Variants in MYH9 observed in about 807,000 individuals in gnomAD.
MYH9 encodes the protein myosin-9.
A neutral mutation model predicts 241.9 loss-of-function variants in MYH9; 29 were observed. That is an observed-to-expected ratio of 0.12 (90% confidence interval 0.09 to 0.16). MYH9 has a LOEUF of 0.16. MYH9 is among the 10% of genes least tolerant of loss of function. MYH9 has a pLI of 1.00. For synonymous variants in MYH9, 1,047 were observed against 1,062.6 expected, an observed-to-expected ratio of 0.99 and a Z score of 0.29; for missense variants, 1,803 against 2,595.5, an observed-to-expected ratio of 0.69 and a Z score of 6.63.
At chr22:36,369,609 G>T (rs1233650330) in intron 1 of MYH9, among the ~76,000 whole-genome samples, 1 of 152,208 alleles carries the variant, frequency 6.6e-6, no homozygotes, top group Non-Finnish European at 1.5e-5. Flanking sequence ...GGTCTCTTAG[G>T]ATGGAACAGG....
intron 1 of MYH9, among the ~76,000 whole-genome samples, chr22:36,363,591 T>C (rs1282018745): frequency 6.6e-6 from 1 of 152,196 alleles, no homozygotes; most frequent in Non-Finnish European, 1.5e-5. Flanking sequence ...ACTGGACCCT[T>C]GGCTTTGCTT....
At chr22:36,353,024 T>C (rs1471026110) in intron 1 of MYH9, among the ~76,000 whole-genome samples, 2 of 152,180 alleles carry the variant, frequency 1.3e-5, no homozygotes, top group Admixed American at 6.5e-5. Flanking sequence ...CTGGGCAGGA[T>C]CAGCCACATT....
chr22:36,294,431 T>G, intron 27 of MYH9, 133 bp from the exon 28 acceptor site: 1 of 934,450 alleles, frequency 1.1e-6, no homozygotes, highest in Non-Finnish European at 1.6e-6. Flanking sequence ...CGTCCTGGAC[T>G]CAGACGGCTC....
intron 5 of MYH9, among the ~76,000 whole-genome samples, chr22:36,323,058 CCAT>C (rs1297799244): frequency 6.6e-6 from 1 of 152,216 alleles, no homozygotes; most frequent in Admixed American, 6.5e-5. Context: ...TCCAAAACCA[CCAT>C]GACAGGCAGT....
chr22:36,320,189 A>C lies in MYH9; in HGVS notation c.1012+31T>G. 6.2e-7 allele frequency: 1 copy of C among 1,613,490 alleles called. No individual in the cohort carries two copies. Among genetic ancestry groups the C allele is most frequent in the Non-Finnish European group, 8.5e-7 (1 of 1,179,920 alleles). On this transcript the variant is annotated intron_variant, in intron 9 of 40. Transcript: ENST00000216181. This position sits in a 1 kb window ranked among gnomAD's most constrained non-coding sequence, Gnocchi z 4.8. ...GTGGGTACCAGCCTTCCTCTGCCCC[A>C]CACTCGACCATAGGAGGGCCAGCCC...
chr22:36,340,199 ATTACTT>A (rs1390276853), intron 3 of MYH9, among the ~76,000 whole-genome samples: 5 of 149,720 alleles, frequency 3.3e-5, no homozygotes, highest in African/African-American at 1.2e-4. Context: ...GGTCTTTGCC[ATTACTT>A]TTAATGGCAA....
intron 1 of MYH9, among the ~76,000 whole-genome samples, chr22:36,358,711 C>G (rs1349609521): frequency 1.3e-5 from 2 of 152,200 alleles, no homozygotes; most frequent in African/African-American, 4.8e-5. Flanking sequence ...TCCAGGCCCA[C>G]AGGCCCTCCC....
chr22:36,378,558 T>C (rs1363675229), intron 1 of MYH9, among the ~76,000 whole-genome samples: 1 of 152,100 alleles, frequency 6.6e-6, no homozygotes, highest in African/African-American at 2.4e-5. Context: ...TGGGCAGCAG[T>C]GTGGCTTTCT....
intron 3 of MYH9, among the ~76,000 whole-genome samples, chr22:36,336,675 G>A (rs991200791): frequency 1.3e-5 from 2 of 152,220 alleles, no homozygotes; most frequent in East Asian, 1.9e-4. Flanking sequence ...CGCTGGGCAC[G>A]TCTGGGATGC....
rs769495712 is a variant in MYH9, at chr22:36,304,118, A to G, written c.2267T>C (p.Ile756Thr). ...ACGGAAGAAGACTTTGCTCTGGCCA[A>G]TGCGGTACAGATTGCTGTCGAGCTC... Reference protein sequence around the residue: ...ALELDSNLYRIGQSKVFFRAG... With the variant: ...ALELDSNLYRTGQSKVFFRAG... Residue 756 changes from isoleucine (I) to threonine (T), a missense_variant, in exon 19 of 41, where the codon ATT becomes ACT. By Grantham distance (89) the Ile-to-Thr change is moderately conservative (BLOSUM62 -1). Transcript: ENST00000216181. 117 of 1,613,586 alleles carry G rather than the reference A, an allele frequency of 7.3e-5. No homozygotes were observed. Among genetic ancestry groups the G allele is most frequent in the Non-Finnish European group, 9.1e-5 (107 of 1,180,042 alleles).
chr22:36,297,028 G>A lies in MYH9; in HGVS notation c.3101-14C>T, dbSNP rs759080017. The stretch of plus-strand genomic sequence containing the variant: ...TGCGGAGGCGCTCTGCAATGCAGGG[G>A]GAGCCCACATAGCCCTCAGTGCCAT... On this transcript the variant is annotated splice_polypyrimidine_tract_variant and intron_variant, in intron 24 of 40. Coordinates refer to ENST00000216181, the MANE Select transcript of MYH9 (RefSeq NM_002473.6). The A allele has an allele frequency of 6.2e-7, 1 of 1,613,328 alleles. No individual in the cohort carries two copies. Among genetic ancestry groups the A allele is most frequent in the Non-Finnish European group, 8.5e-7 (1 of 1,179,974 alleles).
At position 36,297,066 on chromosome 22, in the gene MYH9, C is replaced by T. The variant is rs1289147048; in HGVS notation, c.3101-52G>A. On this transcript the variant is annotated intron_variant, in intron 24 of 40. Coordinates refer to ENST00000216181, the MANE Select transcript of MYH9 (RefSeq NM_002473.6). ...CCCTCAGTGCCATGGGTTCTGTCTCCGTGTCAATTACTTATACAAAATACT... is the reference window on the plus strand; with the variant it reads ...CCCTCAGTGCCATGGGTTCTGTCTCTGTGTCAATTACTTATACAAAATACT... 6.3e-6 allele frequency: 10 copies of T among 1,591,594 alleles called. No homozygotes were observed. The East Asian group carries it at 1.1e-4, about 18-fold the overall frequency.
chr22:36,334,639 C>G (rs2146377681), intron 3 of MYH9, among the ~76,000 whole-genome samples: 1 of 152,310 alleles, frequency 6.6e-6, no homozygotes, highest in East Asian at 1.9e-4. Flanking sequence ...ATTTGGCCAT[C>G]ACCTTCATTA....
chr22:36,381,478 G>A (rs1569537308), intron 1 of MYH9, among the ~76,000 whole-genome samples: 1 of 149,778 alleles, frequency 6.7e-6, no homozygotes. Flanking sequence ...GATCGATCAT[G>A]CCACTCCAGC....
intron 1 of MYH9, among the ~76,000 whole-genome samples, chr22:36,357,987 G>A (rs956011404): frequency 6.6e-6 from 1 of 152,196 alleles, no homozygotes; most frequent in East Asian, 1.9e-4. Context: ...CATAAGCAAA[G>A]TCACCAGCAT....
At chr22:36,316,303 G>A (rs1048383013) in intron 12 of MYH9, among the ~76,000 whole-genome samples, 3 of 151,432 alleles carry the variant, frequency 2.0e-5, no homozygotes, top group African/African-American at 4.9e-5. Flanking sequence ...CAAAGTGCTG[G>A]GATTACAGGC....
At chr22:36,386,361 T>C (rs1416272845) in intron 1 of MYH9, among the ~76,000 whole-genome samples, 1 of 152,098 alleles carries the variant, frequency 6.6e-6, no homozygotes, top group African/African-American at 2.4e-5. Flanking sequence ...ATAGCAGCCT[T>C]GTATATAAAC....
intron 21 of MYH9, 114 bp downstream of exon 21, chr22:36,301,420 G>A (rs2016874866): frequency 1.4e-6 from 2 of 1,414,650 alleles, no homozygotes; most frequent in Non-Finnish European, 9.8e-7. Flanking sequence ...AAACTCAGTT[G>A]TAGAAAACTC....
In MYH9 at chr22:36,285,404, G is replaced by A. The variant is rs538392183; in HGVS notation, c.5275-75C>T. 4 of 1,497,984 alleles carry A rather than the reference G, an allele frequency of 2.7e-6. No individual in the cohort carries two copies. In the South Asian group the frequency reaches 4.5e-5, roughly 17 times the overall value. 92.8% of individuals were successfully genotyped at this position (1,497,984 alleles called of 1,614,324 possible). A position where few individuals can be genotyped will look rare whatever the true frequency, so the allele number is the denominator to read the frequency against. On this transcript the variant is annotated intron_variant, in intron 37 of 40. Coordinates refer to ENST00000216181, the MANE Select transcript of MYH9 (RefSeq NM_002473.6). This position sits in a 1 kb window ranked among gnomAD's most constrained non-coding sequence, Gnocchi z 7.0. Reference sequence around the variant, plus strand: ...AGGGCATGAGCAGGGCCAGAGGAAGGTGGCAGCAGGATCCCACCAAACCCT... The same window carrying A: ...AGGGCATGAGCAGGGCCAGAGGAAGATGGCAGCAGGATCCCACCAAACCCT...
Sources: allele counts gnomAD v4.1 joint callset (sites outside exome capture counted in the v4.1 genomes callset), GRCh38; gene constraint gnomAD v4.1.1; non-coding constraint Gnocchi (gnomAD v3.1); transcripts MANE v1.5; gene names NCBI Gene and HGNC (gene_info 2026-07-23, HGNC 2026-07-21).